SEMA3A: variants seen among roughly 807,000 people sequenced by gnomAD.
SEMA3A encodes semaphorin-3A.
SEMA3A carries 29 observed loss-of-function variants against 97.9 expected under a neutral mutation model. The observed-to-expected ratio is 0.30, with a 90% CI of 0.22 to 0.40. The LOEUF is 0.40. Ranked by LOEUF, SEMA3A falls within the 10% of genes least tolerant of loss-of-function variation. The pLI, the probability that SEMA3A is intolerant of heterozygous loss-of-function variation, is 1.00. For synonymous variants in SEMA3A, 321 were observed against 323.7 expected (o/e 0.99, Z 0.09); for missense variants, 763 against 951.3 (o/e 0.80, Z 2.60).
intron 1 of SEMA3A, among the ~76,000 whole-genome samples, chr7:84,435,961 T>C (rs1218699778): frequency 1.3e-5 from 2 of 152,176 alleles, no homozygotes; most frequent in East Asian, 3.9e-4. Flanking sequence ...CGAAACAGCA[T>C]GGTACTGGTA....
chr7:84,352,255 T>C (rs1584258145), intron 2 of SEMA3A, among the ~76,000 whole-genome samples: 1 of 151,854 alleles, frequency 6.6e-6, no homozygotes, highest in African/African-American at 2.4e-5. Context: ...GTGGGAGAAG[T>C]GGGGATGGTT....
chr7:83,991,313 C>T (rs1789916760), intron 12 of SEMA3A, among the ~76,000 whole-genome samples: 1 of 151,906 alleles, frequency 6.6e-6, no homozygotes, highest in Admixed American at 6.6e-5. Flanking sequence ...CCCTTTATTT[C>T]CTTCTCCTGC....
chr7:84,161,039 G>T (rs1324129385), intron 1 of SEMA3A, among the ~76,000 whole-genome samples: 4 of 152,060 alleles, frequency 2.6e-5, no homozygotes, highest in African/African-American at 9.7e-5. Context: ...GTTGTTGCAT[G>T]AGTAGAAGAG....
intron 3 of SEMA3A, among the ~76,000 whole-genome samples, chr7:84,262,821 T>G (rs1799892013): frequency 6.6e-6 from 1 of 152,176 alleles, no homozygotes; most frequent in Non-Finnish European, 1.5e-5. Flanking sequence ...CTATCAGTCT[T>G]ACATGTCAGA....
chr7:84,460,338 T>C (rs73386985), intron 1 of SEMA3A, among the ~76,000 whole-genome samples: 2,357 of 152,216 alleles, frequency 0.015, 76 homozygotes, highest in African/African-American at 0.054. Flanking sequence ...TCAGGACTTA[T>C]GTTTTTGGGC....
At chr7:84,392,176 G>A (rs925744160) in intron 1 of SEMA3A, among the ~76,000 whole-genome samples, 12 of 152,028 alleles carry the variant, frequency 7.9e-5, no homozygotes, top group African/African-American at 2.9e-4. Flanking sequence ...TCGTCATGCT[G>A]TGTAATAGAC....
intron 2 of SEMA3A, among the ~76,000 whole-genome samples, chr7:84,365,675 T>G (rs1222707294): frequency 6.6e-6 from 1 of 151,614 alleles, no homozygotes; most frequent in African/African-American, 2.4e-5. Context: ...ATATTAACAC[T>G]TTTATATTCT....
intron 2 of SEMA3A, among the ~76,000 whole-genome samples, chr7:84,341,457 A>T (rs1802165625): frequency 6.6e-6 from 1 of 152,164 alleles, no homozygotes; most frequent in South Asian, 2.1e-4. Context: ...TTAAAAAATA[A>T]ATCACAAGCA....
chr7:84,185,775 G>A (rs1233696033), intron 1 of SEMA3A, among the ~76,000 whole-genome samples: 2 of 149,588 alleles, frequency 1.3e-5, no homozygotes, highest in African/African-American at 4.9e-5. Flanking sequence ...ATCATTTTAT[G>A]TTATAGTTTT....
chr7:84,305,146 A>G (rs988589920), intron 3 of SEMA3A, among the ~76,000 whole-genome samples: 1 of 151,888 alleles, frequency 6.6e-6, no homozygotes, highest in African/African-American at 2.4e-5. Flanking sequence ...GACAAGAAAA[A>G]TATACTGTCT....
At position 84,227,768 on chromosome 7, in the gene SEMA3A, C is replaced by G. The variant is rs547359460; in HGVS notation, c.-82-33100G>C. On this transcript the variant is annotated intron_variant, in intron 3 of 3. Coordinates refer to the SEMA3A transcript ENST00000424555. The stretch of plus-strand genomic sequence containing the variant: ...AATACCCGGCTTATGCAAAATAACT[C>G]CCCCACCAGACTATCACAGAAACTA... 3.3e-5 allele frequency among the ~76,000 whole-genome samples: 5 copies of G among 152,120 alleles called. No homozygotes were observed. The East Asian group carries it at 9.7e-4, about 30-fold the overall frequency.
intron 3 of SEMA3A, among the ~76,000 whole-genome samples, chr7:84,111,829 C>T (rs1307242445): frequency 6.6e-6 from 1 of 152,138 alleles, no homozygotes. Flanking sequence ...ATTGATCTTG[C>T]AAGTTGTTAT....
rs568088340 is a variant in SEMA3A, at chr7:84,393,138, T to G, written c.-245-21238A>C. ...ATTGCTCAGAGCATTATTGTATAGT[T>G]TTTGCCCCTATGTTTTCTTCTAGAC... On this transcript the variant is annotated intron_variant, in intron 1 of 3. Transcript: ENST00000424555. Among the ~76,000 whole-genome samples the G allele has an allele frequency of 1.7e-4, 26 of 152,254 alleles. No homozygotes were observed. The South Asian group carries it at 5.2e-3, about 30-fold the overall frequency.
chr7:84,338,490 T>C (rs983700197), intron 2 of SEMA3A, among the ~76,000 whole-genome samples: 1 of 152,138 alleles, frequency 6.6e-6, no homozygotes, highest in Non-Finnish European at 1.5e-5. Context: ...TAATGTTTTA[T>C]AGATTGAAAT....
chr7:84,164,981 G>A (rs558938450), intron 1 of SEMA3A, among the ~76,000 whole-genome samples: 1 of 152,260 alleles, frequency 6.6e-6, no homozygotes, highest in Admixed American at 6.5e-5. Context: ...GCCGAAGTGG[G>A]TGGATCCCTT....
chr7:84,369,660 C>A (rs1021067552), intron 2 of SEMA3A, among the ~76,000 whole-genome samples: 2 of 149,730 alleles, frequency 1.3e-5, no homozygotes, highest in Non-Finnish European at 3.0e-5. Flanking sequence ...AGTTGAGCAT[C>A]TAGTATATTT....
At chr7:84,050,165 C>T (rs1792553087) in intron 5 of SEMA3A, among the ~76,000 whole-genome samples, 1 of 151,920 alleles carries the variant, frequency 6.6e-6, no homozygotes, top group Non-Finnish European at 1.5e-5. Context: ...AATAATGCCG[C>T]AATAAACATA....
At chr7:84,136,830 T>C (rs1277772318) in intron 1 of SEMA3A, among the ~76,000 whole-genome samples, 2 of 152,042 alleles carry the variant, frequency 1.3e-5, no homozygotes, top group African/African-American at 2.4e-5. Context: ...TTAAAAGATA[T>C]TTTTCTCATT....
intron 3 of SEMA3A, among the ~76,000 whole-genome samples, chr7:84,271,006 T>C (rs73709802): frequency 0.017 from 2,654 of 152,152 alleles, 75 homozygotes; most frequent in African/African-American, 0.061. Flanking sequence ...TTTCTATTAT[T>C]GATTTATATC....
Sources: allele counts gnomAD v4.1 joint callset (sites outside exome capture counted in the v4.1 genomes callset), GRCh38; gene constraint gnomAD v4.1.1; transcripts MANE v1.5; gene names NCBI Gene and HGNC (gene_info 2026-07-23, HGNC 2026-07-21).